IL12RB1: variants seen among roughly 807,000 people sequenced by gnomAD.
The protein encoded by IL12RB1 is interleukin 12 receptor subunit beta 1.
Under a neutral mutation model 94.4 loss-of-function variants are expected in IL12RB1, and 64 were observed. That is an observed-to-expected ratio of 0.68 (90% CI 0.55 to 0.83). The LOEUF (loss-of-function observed/expected upper bound fraction) is 0.83. Among genes scored for constraint, IL12RB1 ranks in the 40% least tolerant of loss-of-function variants. The probability of loss-of-function intolerance (pLI) is 0.00; values close to 1 mark genes in which losing one functional copy is unlikely to be tolerated. For missense variants in IL12RB1, 814 were observed against 855.6 expected (o/e 0.95, Z 0.61); for synonymous variants, 362 against 355.5 (o/e 1.02, Z -0.21).
chr19:18,091,171 C>G (rs1187578273), upstream of IL12RB1, among the ~76,000 whole-genome samples: 1 of 152,184 alleles, frequency 6.6e-6, no homozygotes, highest in African/African-American at 2.4e-5. Flanking sequence ...ATTGAAGTCA[C>G]AACCTGACAC....
At position 18,061,145 on chromosome 19, in the gene IL12RB1, T is replaced by A. The variant is rs186935027; in HGVS notation, c.1768A>T (p.Ile590Phe). 155 of 1,599,080 alleles carry A rather than the reference T, an allele frequency of 9.7e-5. No individual in the cohort carries two copies. The African/African-American group carries it at 1.7e-3, about 17-fold the overall frequency. ...ACCTCCTTCCCTCCAGGGAACTCAA[T>A]GGCGGAGCTGGCACAGGGTGTGGGC... ...PLPTPCASSA[I>F]EFPGGKETWQ... The change falls in exon 15 of 17, where the codon ATT becomes TTT. Residue 590 changes from isoleucine (I) to phenylalanine (F), a missense_variant. Coordinates refer to ENST00000593993, the MANE Select transcript of IL12RB1 (RefSeq NM_005535.3).
intron 10 of IL12RB1, among the ~76,000 whole-genome samples, chr19:18,068,750 CT>C (rs34731245): frequency 0.27 from 34,041 of 126,168 alleles, 3,652 homozygotes; most frequent in East Asian, 0.35. Flanking sequence ...ACCAGGGCTT[CT>C]TTTTTTTTTT....
intron 1 of IL12RB1, chr19:18,097,667 G>A (rs1293822507): frequency 7.9e-6 from 4 of 509,242 alleles, no homozygotes; most frequent in South Asian, 9.3e-5. Context: ...CCCTGTGGTC[G>A]GGCTCCCCGG....
At chr19:18,063,392 C>T (rs1018617436) in intron 13 of IL12RB1, among the ~76,000 whole-genome samples, 3 of 152,014 alleles carry the variant, frequency 2.0e-5, no homozygotes, top group Admixed American at 1.3e-4. Context: ...GCCACCACAC[C>T]GGGTTTTGCC....
intron 1 of IL12RB1, among the ~76,000 whole-genome samples, chr19:18,092,497 A>T (rs1161668232): frequency 6.6e-6 from 1 of 151,720 alleles, no homozygotes; most frequent in African/African-American, 2.4e-5. Context: ...TCTCAAAAAA[A>T]TAAAATAAAA....
chr19:18,065,432 C>T (rs916289770), intron 12 of IL12RB1, among the ~76,000 whole-genome samples: 1 of 152,124 alleles, frequency 6.6e-6, no homozygotes, highest in Non-Finnish European at 1.5e-5. Context: ...AAGGGGTGAT[C>T]GAGACCCTCA....
chr19:18,076,020 T>C, intron 6 of IL12RB1, 152 bp from the exon 7 acceptor site: 1 of 757,998 alleles, frequency 1.3e-6, no homozygotes, highest in Non-Finnish European at 2.3e-6. Flanking sequence ...GGCCCTGTCC[T>C]CTTAGGGCCT....
upstream of IL12RB1, among the ~76,000 whole-genome samples, chr19:18,087,492 G>A (rs1435520016): frequency 3.3e-5 from 5 of 151,956 alleles, no homozygotes; most frequent in African/African-American, 1.2e-4. Context: ...TGACAGGCGT[G>A]AGCTACCGTG....
At chr19:18,080,427 TG>T (rs1037010155) in intron 4 of IL12RB1, among the ~76,000 whole-genome samples, 1 of 152,092 alleles carries the variant, frequency 6.6e-6, no homozygotes, top group Non-Finnish European at 1.5e-5. Flanking sequence ...TTAATAGAGA[TG>T]GGGTTTCACC....
At chr19:18,074,829 A>G (rs1237032721) in intron 7 of IL12RB1, among the ~76,000 whole-genome samples, 2 of 152,110 alleles carry the variant, frequency 1.3e-5, no homozygotes, top group Non-Finnish European at 2.9e-5. Flanking sequence ...AGGAGGGCAG[A>G]TCACGAGGTC....
intron 1 of IL12RB1, among the ~76,000 whole-genome samples, chr19:18,092,184 CTT>C (rs112888209): frequency 1.6e-4 from 21 of 129,398 alleles, no homozygotes; most frequent in Non-Finnish European, 1.8e-4. Context: ...GACCATCCAG[CTT>C]TTTTTTTTTT....
upstream of IL12RB1, among the ~76,000 whole-genome samples, chr19:18,087,568 G>A (rs2146517352): frequency 6.6e-6 from 1 of 151,846 alleles, no homozygotes; most frequent in Non-Finnish European, 1.5e-5. Flanking sequence ...CAGCTGTAGT[G>A]CAGTGGTGCA....
intron 16 of IL12RB1, 22 bp from the exon 17 acceptor site, chr19:18,059,635 G>GGA: frequency 1.3e-6 from 1 of 780,594 alleles, no homozygotes; most frequent in Non-Finnish European, 2.4e-6. Context: ...AACAGTCATG[G>GGA]TTCCTTTCAG....
chr19:18,080,082 G>A (rs1395634550), intron 4 of IL12RB1, among the ~76,000 whole-genome samples: 1 of 149,822 alleles, frequency 6.7e-6, no homozygotes, highest in African/African-American at 2.5e-5. Flanking sequence ...TTGAGACAGT[G>A]TCTTGCTCTG....
Position 18,059,517 on chromosome 19 carries a change from G to C in IL12RB1, c.*91C>G, listed in dbSNP as rs1406208189. 6 of 751,556 alleles carry C rather than the reference G, an allele frequency of 8.0e-6. No individual in the cohort carries two copies. The highest frequency in any genetic ancestry group is 1.9e-5 in the Admixed American group (1 of 53,508). The allele number at this position is 751,556 out of a possible 1,614,324, so 46.6% of individuals were successfully genotyped here. ...GAGGAGGCAGGTGCACTGGAGCCTG[G>C]AGGAGCTCTGGGTTATTTGGGTCCA... On this transcript the variant is annotated 3_prime_UTR_variant, in exon 17 of 17. Transcript: ENST00000593993.
chr19:18,066,814 G>C, intron 11 of IL12RB1, 117 bp from the exon 12 acceptor site: 2 of 750,040 alleles, frequency 2.7e-6, no homozygotes, highest in East Asian at 5.2e-5. Context: ...GTCATTTGAG[G>C]CCAGGAGTTC....
intron 1 of IL12RB1, among the ~76,000 whole-genome samples, chr19:18,093,594 C>T (rs2036745327): frequency 6.6e-6 from 1 of 152,120 alleles, no homozygotes; most frequent in South Asian, 2.1e-4. Flanking sequence ...TCTCTTTCCC[C>T]AGGATTCCAG....
At chr19:18,078,632 C>A (rs1015575419) in intron 4 of IL12RB1, among the ~76,000 whole-genome samples, 1 of 151,718 alleles carries the variant, frequency 6.6e-6, no homozygotes, top group Non-Finnish European at 1.5e-5. Flanking sequence ...ACCTCGGGCT[C>A]CCAAAGTGCT....
chr19:18,098,608 A>C (rs1393171437), intron 1 of IL12RB1: 2 of 419,318 alleles, frequency 4.8e-6, no homozygotes, highest in East Asian at 1.4e-4. Context: ...CCGGGCAGCC[A>C]CCCTTTGACT....
Sources: allele counts gnomAD v4.1 joint callset (sites outside exome capture counted in the v4.1 genomes callset), GRCh38; gene constraint gnomAD v4.1.1; transcripts MANE v1.5; gene names NCBI Gene and HGNC (gene_info 2026-07-23, HGNC 2026-07-21).